The following TULP4 variants were observed in gnomAD, a reference collection of about 807,000 sequenced individuals.
TULP4 encodes tubby-related protein 4.
A neutral mutation model predicts 129.0 loss-of-function variants in TULP4; 16 were observed. The ratio of observed to expected loss-of-function variants is 0.12; its 90% CI spans 0.08 to 0.19. The LOEUF (loss-of-function observed/expected upper bound fraction) is 0.19. Among genes scored for constraint, TULP4 ranks in the 10% least tolerant of loss-of-function variants. The pLI is 1.00. For missense variants in TULP4, 1,842 were observed against 2,059.1 expected, an observed-to-expected ratio of 0.89 and a Z score of 2.04; for synonymous variants, 998 against 854.0, an observed-to-expected ratio of 1.17 and a Z score of -2.94.
intron 6 of TULP4, 108 bp from the exon 7 acceptor site, chr6:158,479,643 T>G: frequency 9.9e-7 from 1 of 1,006,070 alleles, no homozygotes; most frequent in Non-Finnish European, 1.4e-6. Flanking sequence ...AAAACCAGTA[T>G]TCTCAAAACA....
chr6:158,392,794 C>CTTTTTTTTTTTTGTTTTTTTTTTTTTTT (rs1777615822), intron 1 of TULP4, among the ~76,000 whole-genome samples: 1 of 54,642 alleles, frequency 1.8e-5, no homozygotes, highest in African/African-American at 8.7e-5. Context: ...ATTTGTATTT[C>CTTTTTTTTTTTTGTTTTTTTTTTTTTTT]TTTTTTTTTT....
intron 5 of TULP4, among the ~76,000 whole-genome samples, chr6:158,459,062 G>A (rs1467718706): frequency 6.6e-6 from 1 of 152,220 alleles, no homozygotes; most frequent in African/African-American, 2.4e-5. Context: ...TATTTACATG[G>A]AATTTAATCT....
chr6:158,428,355 A>G (rs1778551490), intron 2 of TULP4: 1 of 152,198 alleles, frequency 6.6e-6, no homozygotes, highest in South Asian at 2.1e-4. Context: ...CACATTACCA[A>G]AACAAAATCA....
At chr6:158,332,129 G>A (rs1242342179) in intron 1 of TULP4, among the ~76,000 whole-genome samples, 6 of 137,628 alleles carry the variant, frequency 4.4e-5, no homozygotes, top group African/African-American at 1.1e-4. Context: ...CCGAGATCAC[G>A]CCACTGCACT....
intron 1 of TULP4, among the ~76,000 whole-genome samples, chr6:158,327,415 TTC>T (rs1225073025): frequency 2.0e-5 from 3 of 152,338 alleles, no homozygotes; most frequent in East Asian, 1.9e-4. Flanking sequence ...ATCCTGGATT[TTC>T]TCTGTTTTCT....
At chr6:158,429,948 G>A (rs1279597474) in intron 3 of TULP4, 51 bp downstream of exon 3, 1 of 1,553,326 alleles carries the variant, frequency 6.4e-7, no homozygotes, top group East Asian at 2.4e-5. Context: ...CATGAGGGCT[G>A]GGAGGGAAGA....
chr6:158,405,507 C>T (rs1777960145), intron 1 of TULP4, among the ~76,000 whole-genome samples: 1 of 152,196 alleles, frequency 6.6e-6, no homozygotes, highest in Admixed American at 6.5e-5. Context: ...ACATGATTTA[C>T]AGCTGTGACG....
intron 6 of TULP4, among the ~76,000 whole-genome samples, chr6:158,470,065 C>A (rs544052712): frequency 6.6e-6 from 1 of 152,158 alleles, no homozygotes; most frequent in Non-Finnish European, 1.5e-5. Context: ...GGAAGAGAAC[C>A]GTGGAACCCA....
At chr6:158,298,696 T>G (rs1583716121) in intron 1 of TULP4, among the ~76,000 whole-genome samples, 1 of 152,174 alleles carries the variant, frequency 6.6e-6, no homozygotes, top group Admixed American at 6.5e-5. Context: ...TTTGATATTT[T>G]CCACTAACAG....
chr6:158,345,390 C>T lies in TULP4; in HGVS notation c.252+31122C>T, dbSNP rs9457357. ...CAGGCTATCCTCCTTCCTCAGACTA[C>T]TATTGGGGGAACCCACCCCCAATAT... On this transcript the variant is annotated intron_variant, in intron 1 of 13. Transcript: ENST00000367097. 5.5e-3 allele frequency among the ~76,000 whole-genome samples: 840 copies of T among 152,312 alleles called. 7 individuals are homozygous for T. The highest frequency in any genetic ancestry group is 0.019 in the African/African-American group (771 of 41,566).
chr6:158,327,809 A>C (rs1779780185), intron 1 of TULP4, among the ~76,000 whole-genome samples: 1 of 152,094 alleles, frequency 6.6e-6, no homozygotes. Context: ...TCTTCTTTAA[A>C]TGTCTAATGA....
intron 6 of TULP4, among the ~76,000 whole-genome samples, chr6:158,469,635 G>T (rs940752559): frequency 6.6e-6 from 1 of 151,970 alleles, no homozygotes; most frequent in South Asian, 2.1e-4. Flanking sequence ...GGCGTTTGGG[G>T]ATGAGGGACT....
intron 1 of TULP4, among the ~76,000 whole-genome samples, chr6:158,338,950 C>A (rs1379156292): frequency 6.6e-6 from 1 of 152,186 alleles, no homozygotes; most frequent in East Asian, 1.9e-4. Context: ...TATAAGCCCT[C>A]CTGAGCGGGC....
Position 158,339,684 on chromosome 6 carries a change from G to A in TULP4, c.252+25416G>A, listed in dbSNP as rs548579479. On this transcript the variant is annotated intron_variant, in intron 1 of 13. Coordinates refer to ENST00000367097, the MANE Select transcript of TULP4 (RefSeq NM_020245.5). The stretch of plus-strand genomic sequence containing the variant: ...TTGGTAATAAGAGAAATATGGCTCT[G>A]TCCTGTGCGGCCCACAGGCAGCCAA... Among the ~76,000 whole-genome samples the A allele has an allele frequency of 7.2e-5, 11 of 152,242 alleles. No individual in the cohort carries two copies. The East Asian group carries it at 2.1e-3, about 29-fold the overall frequency.
rs4433000 is a variant in TULP4, at chr6:158,313,243, C to G, written c.-774C>G. On this transcript the variant is annotated 5_prime_UTR_variant, in exon 1 of 14. Transcript: ENST00000367097. ...AGGGGTGCGCCGGCTGGTGGAGGAG[C>G]AGTCCGATGGAGCCCTGCGTTCCCC... 1.7e-5 allele frequency: 6 copies of G among 361,632 alleles called. No individual in the cohort carries two copies. Among genetic ancestry groups the G allele is most frequent in the East Asian group, 8.0e-5 (2 of 24,962 alleles). The allele number at this position is 361,632 out of a possible 1,614,324, so 22.4% of individuals were successfully genotyped here. A position where few individuals can be genotyped will look rare whatever the true frequency, so the allele number is the denominator to read the frequency against.
At chr6:158,248,193 G>A (rs1471691075) in intron 1 of TULP4, among the ~76,000 whole-genome samples, 1 of 152,090 alleles carries the variant, frequency 6.6e-6, no homozygotes, top group Non-Finnish European at 1.5e-5. Flanking sequence ...TGTAATCCCA[G>A]CATTTTGGGA....
At chr6:158,406,120 C>T (rs767069604) in intron 1 of TULP4, among the ~76,000 whole-genome samples, 7 of 152,232 alleles carry the variant, frequency 4.6e-5, no homozygotes, top group South Asian at 2.1e-4. Context: ...GAGTGATTGA[C>T]GGCCACAGGT....
At chr6:158,347,064 T>C (rs1014036271) in intron 1 of TULP4, among the ~76,000 whole-genome samples, 71 of 152,202 alleles carry the variant, frequency 4.7e-4, no homozygotes, top group African/African-American at 1.7e-3. Context: ...ATATTTCTTA[T>C]AGGGCTTTCA....
rs553796363 is a variant in TULP4, at chr6:158,504,526, T to G, written c.4515+348T>G. 6.6e-5 allele frequency among the ~76,000 whole-genome samples: 10 copies of G among 151,540 alleles called. No individual in the cohort carries two copies. The South Asian group carries it at 2.1e-3, about 32-fold the overall frequency. ...CATGCCCGGCTAATTTTTTTTTTTT[T>G]TTTGTATTTTTAGTAGAGATGGGGT... On this transcript the variant is annotated intron_variant, in intron 13 of 13. Transcript: ENST00000367097.
Sources: allele counts gnomAD v4.1 joint callset (sites outside exome capture counted in the v4.1 genomes callset), GRCh38; gene constraint gnomAD v4.1.1; transcripts MANE v1.5; gene names NCBI Gene and HGNC (gene_info 2026-07-23, HGNC 2026-07-21).